The following CLSTN2 variants were observed in gnomAD, a reference collection of about 807,000 sequenced individuals.
CLSTN2 encodes calsyntenin 2.
Under a neutral mutation model 101.2 loss-of-function variants are expected in CLSTN2, and 48 were observed. That is an observed-to-expected ratio of 0.47 (90% CI 0.38 to 0.60). The LOEUF is 0.60. Among genes scored for constraint, CLSTN2 ranks in the 20% least tolerant of loss-of-function variants. The pLI is 0.00. For synonymous variants in CLSTN2, 481 were observed against 463.6 expected (o/e 1.04, Z -0.48); for missense variants, 1,160 against 1,238.2 (o/e 0.94, Z 0.95).
rs1935845446 is a variant in CLSTN2, at chr3:140,558,565, C to T, written c.1824-75C>T. ...CCTTGTTAAGAACTGGAGGTGGCAA[C>T]CCCTTGTTCCTGGCTGTATGACAGA... is the stretch of plus-strand genomic sequence containing the variant. On this transcript the variant is annotated intron_variant, in intron 11 of 16. Transcript: ENST00000458420. 10 of 1,251,568 alleles carry T rather than the reference C, an allele frequency of 8.0e-6. No individual in the cohort carries two copies. In the East Asian group the frequency reaches 2.1e-4, roughly 26 times the overall value. The allele number at this position is 1,251,568 out of a possible 1,614,324, so 77.5% of individuals were successfully genotyped here.
chr3:139,974,239 G>T (rs1286848193), intron 1 of CLSTN2, among the ~76,000 whole-genome samples: 1 of 152,176 alleles, frequency 6.6e-6, no homozygotes, highest in Non-Finnish European at 1.5e-5. Flanking sequence ...AGGCTTTGGG[G>T]CCTCAAAATG....
chr3:140,342,341 G>A (rs368346248), intron 2 of CLSTN2, among the ~76,000 whole-genome samples: 18 of 152,174 alleles, frequency 1.2e-4, no homozygotes, highest in African/African-American at 4.1e-4. Context: ...AATGTCCCTT[G>A]GGGGACAAAA....
intron 2 of CLSTN2, among the ~76,000 whole-genome samples, chr3:140,383,832 GC>G (rs2088020663): frequency 1.3e-5 from 2 of 152,226 alleles, no homozygotes; most frequent in Non-Finnish European, 2.9e-5. Flanking sequence ...TCTCACATTG[GC>G]CCAGTGGGGA....
At chr3:140,340,842 T>C (rs554193847) in intron 2 of CLSTN2, among the ~76,000 whole-genome samples, 2 of 152,328 alleles carry the variant, frequency 1.3e-5, no homozygotes, top group African/African-American at 4.8e-5. Flanking sequence ...TCAGGCCTCC[T>C]TGTTTTTGAT....
intron 1 of CLSTN2, among the ~76,000 whole-genome samples, chr3:140,135,081 C>CAA (rs1171033076): frequency 8.0e-5 from 5 of 62,686 alleles, no homozygotes; most frequent in South Asian, 7.5e-4. Context: ...TGATGCCTCT[C>CAA]AAAAAAACAC....
intron 8 of CLSTN2, among the ~76,000 whole-genome samples, chr3:140,468,871 G>T (rs1401846852): frequency 1.3e-5 from 2 of 152,206 alleles, no homozygotes; most frequent in African/African-American, 4.8e-5. Flanking sequence ...TTTTGCTCAA[G>T]CTGTCCTATT....
chr3:140,051,598 T>A (rs1223061034), intron 1 of CLSTN2, among the ~76,000 whole-genome samples: 1 of 152,164 alleles, frequency 6.6e-6, no homozygotes, highest in African/African-American at 2.4e-5. Context: ...CCATCTGTTG[T>A]CTCATTCTAC....
At chr3:140,551,804 T>C (rs1319578207) in intron 10 of CLSTN2, among the ~76,000 whole-genome samples, 1 of 148,402 alleles carries the variant, frequency 6.7e-6, no homozygotes, top group Non-Finnish European at 1.5e-5. Context: ...AATTATATAT[T>C]ACATATAAAT....
At chr3:140,219,565 C>T (rs1359186865) in intron 2 of CLSTN2, among the ~76,000 whole-genome samples, 2 of 152,132 alleles carry the variant, frequency 1.3e-5, no homozygotes, top group South Asian at 2.1e-4. Context: ...GCTCGTCATT[C>T]GGAGCGAGTG....
intron 1 of CLSTN2, among the ~76,000 whole-genome samples, chr3:140,012,636 CA>C (rs2007108003): frequency 6.6e-6 from 1 of 152,196 alleles, no homozygotes; most frequent in Non-Finnish European, 1.5e-5. Flanking sequence ...GGCAGAACTG[CA>C]TCTCATCGAC....
rs1316983157 is a variant in CLSTN2, at chr3:140,501,310, G to T, written c.1345-31014G>T. On this transcript the variant is annotated intron_variant, in intron 8 of 16. Transcript: ENST00000458420. ...GCCCTGGTCACTCTAATGCTCTTTGGAGGCTGTTGGCTTCAATGGCCACCA... is the reference window on the plus strand; with the variant it reads ...GCCCTGGTCACTCTAATGCTCTTTGTAGGCTGTTGGCTTCAATGGCCACCA... Among the ~76,000 whole-genome samples, 4 of 152,306 alleles carry T rather than the reference G, an allele frequency of 2.6e-5. No homozygotes were observed. The East Asian group carries it at 7.7e-4, about 29-fold the overall frequency.
At chr3:140,552,425 C>T (rs1470615454) in intron 10 of CLSTN2, among the ~76,000 whole-genome samples, 3 of 150,054 alleles carry the variant, frequency 2.0e-5, no homozygotes, top group African/African-American at 7.3e-5. Flanking sequence ...AAAAAGAACA[C>T]CCAAAACCTG....
rs538109094 is a variant in CLSTN2 at position 140,514,692 on chromosome 3, G to C, written c.1345-17632G>C. ...ATGGTAGTTCTACTTTTAGTTCTTT[G>C]AGGGATCTCTACACTGTTTTCCATA... is the stretch of plus-strand genomic sequence containing the variant. On this transcript the variant is annotated intron_variant, in intron 8 of 16. Coordinates refer to ENST00000458420, the MANE Select transcript of CLSTN2 (RefSeq NM_022131.3). Among the ~76,000 whole-genome samples the C allele has an allele frequency of 1.3e-3, 198 of 151,988 alleles. 1 individual carries two copies. The highest frequency in any genetic ancestry group is 2.3e-3 in the Non-Finnish European group (155 of 67,914).
At chr3:140,445,174 G>C (rs1168664045) in intron 5 of CLSTN2, among the ~76,000 whole-genome samples, 1 of 152,210 alleles carries the variant, frequency 6.6e-6, no homozygotes, top group Non-Finnish European at 1.5e-5. Flanking sequence ...GGCGGCCAGA[G>C]AGGGCCCTGC....
intron 1 of CLSTN2, among the ~76,000 whole-genome samples, chr3:140,099,692 A>G (rs1396714775): frequency 2.6e-5 from 4 of 152,138 alleles, no homozygotes; most frequent in Non-Finnish European, 5.9e-5. Context: ...GTGAGAAGCT[A>G]TATTTATAGT....
chr3:140,241,911 A>ACACACC (rs2086472441), intron 2 of CLSTN2, among the ~76,000 whole-genome samples: 1 of 146,840 alleles, frequency 6.8e-6, no homozygotes, highest in African/African-American at 2.6e-5. Context: ...ACACATATAT[A>ACACACC]TATATATATA....
chr3:139,983,737 T>G (rs763653930), intron 1 of CLSTN2, among the ~76,000 whole-genome samples: 4 of 152,168 alleles, frequency 2.6e-5, no homozygotes, highest in Non-Finnish European at 5.9e-5. Context: ...AGTTTTAGCA[T>G]TTAAAAAAAT....
At chr3:140,437,535 C>A (rs974399769) in intron 5 of CLSTN2, among the ~76,000 whole-genome samples, 1 of 152,236 alleles carries the variant, frequency 6.6e-6, no homozygotes, top group Non-Finnish European at 1.5e-5. Context: ...TTTCTAACAA[C>A]CTCATCACCA....
intron 2 of CLSTN2, among the ~76,000 whole-genome samples, chr3:140,285,363 G>A (rs371156797): frequency 9.2e-5 from 14 of 152,090 alleles, no homozygotes; most frequent in African/African-American, 3.4e-4. Context: ...TTATCTACTG[G>A]CAGCAGCTCC....
Sources: gnomAD v4.1 joint callset for allele counts (sites outside exome capture counted in the v4.1 genomes callset) on GRCh38, gnomAD v4.1.1 for gene constraint, MANE v1.5 for transcripts, NCBI Gene and HGNC (gene_info 2026-07-23, HGNC 2026-07-21) for gene names.